SEMA3A: variants seen among roughly 807,000 people sequenced by gnomAD.
SEMA3A encodes the protein semaphorin-3A.
In SEMA3A, 29 loss-of-function variants were observed where a neutral mutation model predicts 97.9. The observed-to-expected ratio is 0.30, with a 90% CI of 0.22 to 0.40. SEMA3A has a LOEUF of 0.40. Ranked by LOEUF, SEMA3A falls within the 10% of genes least tolerant of loss-of-function variation. The probability of loss-of-function intolerance (pLI) is 1.00; values close to 1 mark genes in which losing one functional copy is unlikely to be tolerated. For synonymous variants in SEMA3A, 321 were observed against 323.7 expected (o/e 0.99, Z 0.09); for missense variants, 763 against 951.3 (o/e 0.80, Z 2.60).
chr7:84,282,220 A>G (rs1800455623), intron 3 of SEMA3A, among the ~76,000 whole-genome samples: 1 of 152,088 alleles, frequency 6.6e-6, no homozygotes, highest in Admixed American at 6.6e-5. Context: ...CTGGATCCTC[A>G]AAGCTGGTTT....
intron 1 of SEMA3A, among the ~76,000 whole-genome samples, chr7:84,390,432 A>G (rs142628229): frequency 0.015 from 2,293 of 151,478 alleles, 64 homozygotes; most frequent in African/African-American, 0.052. Flanking sequence ...CTTTACTATG[A>G]TAAATAAAAA....
chr7:83,968,008 G>A (rs916675037), intron 15 of SEMA3A, among the ~76,000 whole-genome samples: 2 of 152,142 alleles, frequency 1.3e-5, no homozygotes, highest in South Asian at 4.2e-4. Flanking sequence ...CCTACTGCAT[G>A]CTATCAATTT....
intron 6 of SEMA3A, among the ~76,000 whole-genome samples, chr7:84,022,875 G>C (rs1031144816): frequency 6.6e-6 from 1 of 152,202 alleles, no homozygotes; most frequent in Non-Finnish European, 1.5e-5. Flanking sequence ...TCAGCACATA[G>C]TGGAAGCTGA....
chr7:84,140,477 G>A (rs1796264435), intron 1 of SEMA3A, among the ~76,000 whole-genome samples: 1 of 152,086 alleles, frequency 6.6e-6, no homozygotes, highest in South Asian at 2.1e-4. Context: ...TAACATGAAA[G>A]GTAATAGGAC....
intron 4 of SEMA3A, among the ~76,000 whole-genome samples, chr7:84,088,112 A>G (rs973466216): frequency 1.3e-5 from 2 of 152,144 alleles, no homozygotes; most frequent in South Asian, 2.1e-4. Context: ...TTATCTTTTC[A>G]TTATAAATCC....
intron 6 of SEMA3A, among the ~76,000 whole-genome samples, chr7:84,018,841 T>C (rs938929134): frequency 6.6e-6 from 1 of 152,164 alleles, no homozygotes; most frequent in Admixed American, 6.5e-5. Context: ...ACTGAAGTGT[T>C]CTAGACCTAG....
intron 1 of SEMA3A, among the ~76,000 whole-genome samples, chr7:84,477,204 C>T (rs190429827): frequency 2.0e-3 from 299 of 150,122 alleles, no homozygotes; most frequent in African/African-American, 6.4e-3. Flanking sequence ...TTTGGGGTGC[C>T]GAGGTGGGCG....
intron 4 of SEMA3A, 104 bp from the exon 5 acceptor site, chr7:84,060,662 CA>C: frequency 1.5e-6 from 1 of 661,138 alleles, no homozygotes; most frequent in Non-Finnish European, 2.4e-6. Flanking sequence ...TCATGTCCAA[CA>C]CAAGAGTTAT....
At chr7:84,438,887 T>C (rs1327884778) in intron 1 of SEMA3A, among the ~76,000 whole-genome samples, 3 of 152,086 alleles carry the variant, frequency 2.0e-5, no homozygotes, top group Non-Finnish European at 4.4e-5. Flanking sequence ...TTAATTAATG[T>C]TACTTCTTTA....
chr7:84,436,764 G>GT (rs1805143012), intron 1 of SEMA3A, among the ~76,000 whole-genome samples: 1 of 152,034 alleles, frequency 6.6e-6, no homozygotes, highest in African/African-American at 2.4e-5. Context: ...TAGATTGCTT[G>GT]TAGAATGCTT....
chr7:84,175,864 G>A (rs1797546635), intron 1 of SEMA3A, among the ~76,000 whole-genome samples: 1 of 152,090 alleles, frequency 6.6e-6, no homozygotes, highest in Non-Finnish European at 1.5e-5. Context: ...AGTAGGTACA[G>A]GAGCAGACTC....
At chr7:84,044,409 C>T (rs1239782263) in intron 6 of SEMA3A, among the ~76,000 whole-genome samples, 2 of 152,024 alleles carry the variant, frequency 1.3e-5, no homozygotes. Context: ...GTCTAATCCC[C>T]TTTGATTACC....
At chr7:83,985,223 A>T (rs1789577426) in intron 13 of SEMA3A, among the ~76,000 whole-genome samples, 1 of 152,188 alleles carries the variant, frequency 6.6e-6, no homozygotes, top group Non-Finnish European at 1.5e-5. Context: ...TAATGTTTAT[A>T]GAACACAGAT....
chr7:84,062,832 G>A (rs971770801), intron 4 of SEMA3A, among the ~76,000 whole-genome samples: 3 of 144,464 alleles, frequency 2.1e-5, no homozygotes, highest in African/African-American at 5.4e-5. Flanking sequence ...AGGCCGCAGC[G>A]AGGCGGGGGG....
At chr7:84,420,333 T>C (rs1804554394) in intron 1 of SEMA3A, among the ~76,000 whole-genome samples, 1 of 151,696 alleles carries the variant, frequency 6.6e-6, no homozygotes, top group South Asian at 2.1e-4. Flanking sequence ...AGGAAAATGA[T>C]GGATGTACAA....
chr7:84,022,554 A>C (rs1272520164), intron 6 of SEMA3A, among the ~76,000 whole-genome samples: 1 of 152,212 alleles, frequency 6.6e-6, no homozygotes. Context: ...TGAAAATGTT[A>C]TCTACTCTGT....
chr7:84,440,681 C>G (rs895279437), intron 1 of SEMA3A, among the ~76,000 whole-genome samples: 1 of 151,988 alleles, frequency 6.6e-6, no homozygotes, highest in Non-Finnish European at 1.5e-5. Flanking sequence ...AAGTTTATAC[C>G]TCAGTTTGGT....
At chr7:83,964,974 A>T (rs1788613285) in intron 15 of SEMA3A, among the ~76,000 whole-genome samples, 1 of 152,212 alleles carries the variant, frequency 6.6e-6, no homozygotes, top group South Asian at 2.1e-4. Flanking sequence ...GCTATGGCCA[A>T]CAGGGGCTGG....
At chr7:84,266,062 T>C (rs185687688) in intron 3 of SEMA3A, among the ~76,000 whole-genome samples, 12 of 152,262 alleles carry the variant, frequency 7.9e-5, no homozygotes, top group African/African-American at 2.6e-4. Context: ...CTCACATCTG[T>C]AATCCCAACA....
Sources: allele counts gnomAD v4.1 joint callset (sites outside exome capture counted in the v4.1 genomes callset), GRCh38; gene constraint gnomAD v4.1.1; transcripts MANE v1.5; gene names NCBI Gene and HGNC (gene_info 2026-07-23, HGNC 2026-07-21).